The following MKLN1 variants were observed in gnomAD, a reference collection of about 807,000 sequenced individuals.
MKLN1 encodes the protein muskelin.
Under a neutral mutation model 99.0 loss-of-function variants are expected in MKLN1, and 18 were observed. The observed-to-expected ratio is 0.18, with a 90% CI of 0.13 to 0.27. MKLN1 has a LOEUF of 0.27. Among genes scored for constraint, MKLN1 ranks in the 10% least tolerant of loss-of-function variants. The pLI, the probability that MKLN1 is intolerant of heterozygous loss-of-function variation, is 1.00. For synonymous variants in MKLN1, 288 were observed against 293.2 expected, an observed-to-expected ratio of 0.98 and a Z score of 0.18; for missense variants, 621 against 875.9, an observed-to-expected ratio of 0.71 and a Z score of 3.67.
At chr7:131,238,921 C>G (rs1157122392) in intron 3 of MKLN1, among the ~76,000 whole-genome samples, 6 of 152,196 alleles carry the variant, frequency 3.9e-5, no homozygotes, top group African/African-American at 1.4e-4. Flanking sequence ...CACATAAACT[C>G]TGTTCACATT....
intron 2 of MKLN1, among the ~76,000 whole-genome samples, chr7:131,192,079 A>AG (rs1491323922): frequency 1.4e-5 from 1 of 71,670 alleles, no homozygotes; most frequent in Non-Finnish European, 2.6e-5. Flanking sequence ...ATATATATAC[A>AG]TATATATTAT....
chr7:131,167,014 C>A (rs576936209), intron 2 of MKLN1, among the ~76,000 whole-genome samples: 3 of 152,168 alleles, frequency 2.0e-5, no homozygotes, highest in African/African-American at 7.2e-5. Flanking sequence ...TTTAGAAAGG[C>A]CTTTCCTGAT....
At chr7:131,270,413 G>C (rs2116555518) in intron 3 of MKLN1, among the ~76,000 whole-genome samples, 1 of 152,310 alleles carries the variant, frequency 6.6e-6, no homozygotes, top group South Asian at 2.1e-4. Flanking sequence ...TAGAGACAGG[G>C]TTTCACCATG....
At chr7:131,315,720 C>T (rs1412558920) in intron 3 of MKLN1, among the ~76,000 whole-genome samples, 3 of 152,164 alleles carry the variant, frequency 2.0e-5, no homozygotes, top group Admixed American at 6.5e-5. Context: ...GGGGGAGGGG[C>T]ATCTGCCATT....
chr7:131,131,870 C>T (rs1220105333), intron 1 of MKLN1, among the ~76,000 whole-genome samples: 1 of 152,118 alleles, frequency 6.6e-6, no homozygotes, highest in African/African-American at 2.4e-5. Flanking sequence ...ATTATACTGC[C>T]CTGGTTTCAG....
At chr7:131,481,812 GCAA>G (rs1562888131) in intron 17 of MKLN1, among the ~76,000 whole-genome samples, 2 of 71,580 alleles carry the variant, frequency 2.8e-5, no homozygotes, top group Non-Finnish European at 5.2e-5. Context: ...TCTAAGGTCT[GCAA>G]AAAAAAAAAA....
intron 16 of MKLN1, among the ~76,000 whole-genome samples, chr7:131,477,728 T>G (rs1194270265): frequency 6.6e-6 from 1 of 152,244 alleles, no homozygotes; most frequent in Non-Finnish European, 1.5e-5. Flanking sequence ...AATGTTGGTA[T>G]GATTTAATAT....
At chr7:131,225,957 G>A (rs1468575555) in intron 3 of MKLN1, among the ~76,000 whole-genome samples, 1 of 152,130 alleles carries the variant, frequency 6.6e-6, no homozygotes, top group Non-Finnish European at 1.5e-5. Context: ...GTGGGCTGGT[G>A]GCAGCCCCAG....
rs142111232 is a variant in MKLN1, at chr7:131,375,293, C to G, written c.99-131C>G. The G allele has an allele frequency of 5.0e-4, 300 of 601,428 alleles. 3 individuals carry two copies. The East Asian group carries it at 7.7e-3, about 16-fold the overall frequency. The allele number at this position is 601,428 out of a possible 1,614,324, so 37.3% of individuals were successfully genotyped here. On this transcript the variant is annotated intron_variant, in intron 1 of 17. Transcript: ENST00000352689. ...AGAAGCTTTCTGTGCTTTTCTTACT[C>G]TGTTTTGTTTTCTATTCTTATTCAA...
chr7:131,244,677 GTGATGACGA>G (rs950084419), intron 3 of MKLN1, among the ~76,000 whole-genome samples: 2 of 152,198 alleles, frequency 1.3e-5, no homozygotes, highest in African/African-American at 4.8e-5. Context: ...GGTGATGACG[GTGATGACGA>G]TGATGACGAT....
chr7:131,313,323 T>G (rs1284601012), intron 3 of MKLN1, among the ~76,000 whole-genome samples: 1 of 152,080 alleles, frequency 6.6e-6, no homozygotes, highest in African/African-American at 2.4e-5. Context: ...TACACATAAA[T>G]CAGACAGACA....
chr7:131,388,771 A>G, intron 3 of MKLN1, 113 bp from the exon 4 acceptor site: 1 of 647,206 alleles, frequency 1.5e-6, no homozygotes, highest in Non-Finnish European at 2.7e-6. Flanking sequence ...TGTCTTGGTC[A>G]TAATATTTTG....
intron 12 of MKLN1, among the ~76,000 whole-genome samples, chr7:131,454,110 A>G (rs926637898): frequency 1.3e-5 from 2 of 151,934 alleles, no homozygotes; most frequent in African/African-American, 4.8e-5. Flanking sequence ...AAAATACAAA[A>G]AATATATTTT....
At chr7:131,382,772 G>A (rs896642244) in intron 2 of MKLN1, among the ~76,000 whole-genome samples, 1 of 151,906 alleles carries the variant, frequency 6.6e-6, no homozygotes, top group Non-Finnish European at 1.5e-5. Context: ...CTCCCAGGCT[G>A]GAGTGCAGTG....
chr7:131,156,026 T>C (rs990824403), intron 2 of MKLN1, among the ~76,000 whole-genome samples: 1 of 152,214 alleles, frequency 6.6e-6, no homozygotes, highest in Non-Finnish European at 1.5e-5. Flanking sequence ...GCACCTTTGT[T>C]ATTTGGGAAG....
intron 8 of MKLN1, among the ~76,000 whole-genome samples, chr7:131,428,193 A>G (rs1795415433): frequency 6.6e-6 from 1 of 152,140 alleles, no homozygotes; most frequent in African/African-American, 2.4e-5. Flanking sequence ...AATAATAAAA[A>G]TAAAGAAGGA....
At chr7:131,264,771 A>G (rs995641242) in intron 3 of MKLN1, among the ~76,000 whole-genome samples, 6 of 152,088 alleles carry the variant, frequency 3.9e-5, no homozygotes, top group African/African-American at 1.4e-4. Context: ...TAACCTTAGG[A>G]TACTAGACTA....
chr7:131,286,933 C>T (rs1400041949), intron 3 of MKLN1, among the ~76,000 whole-genome samples: 2 of 152,146 alleles, frequency 1.3e-5, no homozygotes, highest in East Asian at 3.9e-4. Flanking sequence ...TAACAAGGCC[C>T]CATATATACT....
intron 1 of MKLN1, among the ~76,000 whole-genome samples, chr7:131,115,338 C>T (rs775123977): frequency 2.6e-5 from 4 of 152,176 alleles, no homozygotes; most frequent in Non-Finnish European, 5.9e-5. Flanking sequence ...TTTCACAATC[C>T]TCAGAATTCA....
Sources: gnomAD v4.1 joint callset for allele counts (sites outside exome capture counted in the v4.1 genomes callset) on GRCh38, gnomAD v4.1.1 for gene constraint, MANE v1.5 for transcripts, NCBI Gene and HGNC (gene_info 2026-07-23, HGNC 2026-07-21) for gene names.